The following BAIAP2 variants were observed in gnomAD, a reference collection of about 807,000 sequenced individuals.
BAIAP2 encodes the protein BAR/IMD domain-containing adapter protein 2.
BAIAP2 carries 18 observed loss-of-function variants against 63.0 expected under a neutral mutation model. The ratio of observed to expected loss-of-function variants is 0.29; its 90% CI spans 0.20 to 0.42. BAIAP2 has a LOEUF of 0.42. Among genes scored for constraint, BAIAP2 ranks in the 10% least tolerant of loss-of-function variants. The pLI is 1.00. For synonymous variants in BAIAP2, 386 were observed against 307.6 expected (o/e 1.25, Z -2.67); for missense variants, 610 against 734.3 (o/e 0.83, Z 1.96).
chr17:81,061,587 C>T (rs908324406), intron 3 of BAIAP2, among the ~76,000 whole-genome samples: 2 of 152,310 alleles, frequency 1.3e-5, no homozygotes, highest in East Asian at 1.9e-4. Context: ...TGCCTTCCTG[C>T]TGCGCGCGTC....
intron 6 of BAIAP2, among the ~76,000 whole-genome samples, chr17:81,093,682 C>A (rs774959051): frequency 6.6e-6 from 1 of 152,132 alleles, no homozygotes; most frequent in Non-Finnish European, 1.5e-5. Context: ...ATCCCCCCTC[C>A]GGCTGCCCCC....
chr17:81,059,337 G>A (rs1018357340), intron 3 of BAIAP2, among the ~76,000 whole-genome samples: 2 of 152,252 alleles, frequency 1.3e-5, no homozygotes, highest in South Asian at 2.1e-4. Flanking sequence ...TTAGGGTGAC[G>A]GAGGCTGAGA....
At chr17:81,108,334 A>G in intron 12 of BAIAP2, 141 bp from the exon 13 acceptor site, 1 of 861,854 alleles carries the variant, frequency 1.2e-6, no homozygotes, top group South Asian at 1.6e-5. Context: ...TGCTGCAGCC[A>G]GGAGATGGGG....
intron 2 of BAIAP2, among the ~76,000 whole-genome samples, chr17:81,054,851 C>T (rs552160003): frequency 3.9e-5 from 6 of 152,248 alleles, no homozygotes; most frequent in South Asian, 2.1e-4. Flanking sequence ...GCTTCCTTGT[C>T]GCCAGATGCC....
intron 7 of BAIAP2, among the ~76,000 whole-genome samples, chr17:81,102,753 G>A (rs1439530984): frequency 6.6e-6 from 1 of 152,186 alleles, no homozygotes; most frequent in African/African-American, 2.4e-5. Flanking sequence ...AGTGAAAGCC[G>A]GAGAGGCCCC....
chr17:81,099,881 G>C (rs2058258933), intron 6 of BAIAP2, 47 bp from the exon 7 acceptor site: 3 of 1,598,218 alleles, frequency 1.9e-6, no homozygotes, highest in Non-Finnish European at 2.6e-6. Flanking sequence ...GGTCCTGACA[G>C]GCGTCCTTCC....
intron 1 of BAIAP2, among the ~76,000 whole-genome samples, chr17:81,041,573 T>C (rs942693330): frequency 6.6e-6 from 1 of 152,160 alleles, no homozygotes; most frequent in Non-Finnish European, 1.5e-5. Flanking sequence ...TTTTCTGTTT[T>C]GTTTTTGTTT....
At chr17:81,102,866 G>A in intron 7 of BAIAP2, among the ~76,000 whole-genome samples, 1 of 152,236 alleles carries the variant, frequency 6.6e-6, no homozygotes, top group Middle Eastern at 3.2e-3. Context: ...GCCAGGAGGG[G>A]CAGGGGTTAC....
At chr17:81,095,926 T>C (rs2057541585) in intron 6 of BAIAP2, among the ~76,000 whole-genome samples, 1 of 152,106 alleles carries the variant, frequency 6.6e-6, no homozygotes, top group Non-Finnish European at 1.5e-5. Flanking sequence ...TACTCTCCCC[T>C]GGGGAACTGA....
chr17:81,110,066 C>T (rs1427775360), intron 13 of BAIAP2: 1 of 985,382 alleles, frequency 1.0e-6, no homozygotes, highest in Admixed American at 6.1e-5. Context: ...TTGTCTCTTC[C>T]CACACTGAAC....
chr17:81,047,356 T>C (rs940814453), intron 1 of BAIAP2, among the ~76,000 whole-genome samples: 2 of 151,944 alleles, frequency 1.3e-5, no homozygotes, highest in African/African-American at 2.4e-5. Flanking sequence ...ATGGAGGGGC[T>C]GGGTGAGGAT....
intron 3 of BAIAP2, among the ~76,000 whole-genome samples, chr17:81,059,511 C>T (rs2050186452): frequency 6.6e-6 from 1 of 152,226 alleles, no homozygotes; most frequent in Admixed American, 6.5e-5. Context: ...GCAGAACTAT[C>T]GTGGCTCACT....
chr17:81,060,625 ATC>A (rs1425836798), intron 3 of BAIAP2, among the ~76,000 whole-genome samples: 1 of 152,090 alleles, frequency 6.6e-6, no homozygotes, highest in Non-Finnish European at 1.5e-5. Context: ...GCCTGTTTTC[ATC>A]TCTCCTGGGC....
intron 3 of BAIAP2, among the ~76,000 whole-genome samples, chr17:81,081,656 C>T (rs1342762401): frequency 2.0e-5 from 3 of 152,190 alleles, no homozygotes; most frequent in Non-Finnish European, 2.9e-5. Flanking sequence ...AACCCTAGGT[C>T]GAGTGAGCCT....
intron 3 of BAIAP2, among the ~76,000 whole-genome samples, chr17:81,075,192 G>A (rs1307274803): frequency 1.3e-5 from 2 of 152,216 alleles, no homozygotes; most frequent in Admixed American, 1.3e-4. Flanking sequence ...AAACTTCCTG[G>A]TGCCTGTGAT....
chr17:81,092,015 T>G (rs1369717601), intron 6 of BAIAP2, among the ~76,000 whole-genome samples: 1 of 152,222 alleles, frequency 6.6e-6, no homozygotes, highest in Non-Finnish European at 1.5e-5. Flanking sequence ...CAGCTGCCGC[T>G]GATGAAGGGG....
At chr17:81,065,700 C>G (rs970609861) in intron 3 of BAIAP2, among the ~76,000 whole-genome samples, 33 of 152,326 alleles carry the variant, frequency 2.2e-4, no homozygotes, top group African/African-American at 7.5e-4. Flanking sequence ...GAGCCTGGGT[C>G]TATGCTGGCC....
chr17:81,048,874 G>A (rs890542636), intron 1 of BAIAP2, among the ~76,000 whole-genome samples: 1 of 152,216 alleles, frequency 6.6e-6, no homozygotes, highest in African/African-American at 2.4e-5. Flanking sequence ...TCCCTGGGCA[G>A]GGACCCCTCC....
At chr17:81,040,750 G>A (rs2046967928) in intron 1 of BAIAP2, among the ~76,000 whole-genome samples, 1 of 152,254 alleles carries the variant, frequency 6.6e-6, no homozygotes, top group African/African-American at 2.4e-5. Context: ...ACCACATGCA[G>A]TTGGAATCCC....
Sources: gnomAD v4.1 joint callset for allele counts (sites outside exome capture counted in the v4.1 genomes callset) on GRCh38, gnomAD v4.1.1 for gene constraint, MANE v1.5 for transcripts, NCBI Gene and HGNC (gene_info 2026-07-23, HGNC 2026-07-21) for gene names.